The following CFAP46 variants were observed in gnomAD, a reference collection of about 807,000 sequenced individuals.
The protein encoded by CFAP46 is cilia and flagella associated protein 46.
Under a neutral mutation model 325.7 loss-of-function variants are expected in CFAP46, and 245 were observed. The ratio of observed to expected loss-of-function variants is 0.75; its 90% CI spans 0.68 to 0.84. CFAP46 has a LOEUF of 0.84. Ranked by LOEUF, CFAP46 falls within the 40% of genes least tolerant of loss-of-function variation. The pLI is 0.00. For synonymous variants in CFAP46, 1,523 were observed against 1,495.9 expected, an observed-to-expected ratio of 1.02 and a Z score of -0.42; for missense variants, 3,346 against 3,543.0, an observed-to-expected ratio of 0.94 and a Z score of 1.41.
At chr10:132,811,098 C>G in intron 55 of CFAP46, 67 bp from the exon 56 acceptor site, 1 of 1,381,730 alleles carries the variant, frequency 7.2e-7, no homozygotes, top group Admixed American at 2.0e-5. Context: ...GGGGTGTGGG[C>G]AGGTGGGGCC....
intron 6 of CFAP46, 71 bp downstream of exon 6, chr10:132,937,481 A>T: frequency 6.3e-7 from 1 of 1,576,826 alleles, no homozygotes; most frequent in Non-Finnish European, 8.7e-7. Flanking sequence ...TGTAATTTCT[A>T]CGCAGTTTTC....
intron 45 of CFAP46, 125 bp downstream of exon 45, chr10:132,836,692 C>T (rs1848254199): frequency 3.7e-6 from 3 of 805,040 alleles, no homozygotes; most frequent in East Asian, 2.4e-5. Context: ...ACTGTCCGGG[C>T]GTTTCCCGAG....
Position 132,860,992 on chromosome 10 carries a change from A to G in CFAP46, c.4891-10T>C. 1 of 1,550,372 alleles carries G rather than the reference A, an allele frequency of 6.5e-7. No individual in the cohort carries two copies. Among genetic ancestry groups the G allele is most frequent in the Non-Finnish European group, 8.7e-7 (1 of 1,146,980 alleles). On this transcript the variant is annotated splice_polypyrimidine_tract_variant and intron_variant, in intron 35 of 57. Coordinates refer to ENST00000368586, the MANE Select transcript of CFAP46 (RefSeq NM_001200049.3). ...AAGGCTCATCCAGCTCCTGAAGGAG[A>G]GAAACTCAGACATGCTTGGGTTCCT...
intron 22 of CFAP46, among the ~76,000 whole-genome samples, chr10:132,901,794 C>T (rs12416203): frequency 0.44 from 67,413 of 152,116 alleles, 15,361 homozygotes; most frequent in Admixed American, 0.56. Flanking sequence ...CCTCTTAGCT[C>T]TTATTAATCT....
intron 33 of CFAP46, among the ~76,000 whole-genome samples, chr10:132,868,446 G>A (rs890599261): frequency 7.9e-5 from 12 of 152,196 alleles, no homozygotes; most frequent in African/African-American, 2.9e-4. Flanking sequence ...ATGTTCAGCC[G>A]GGCTGCACAG....
At chr10:132,942,371 G>A in intron 1 of CFAP46, 65 bp downstream of exon 1, 2 of 1,342,094 alleles carry the variant, frequency 1.5e-6, no homozygotes, top group East Asian at 2.9e-5. Flanking sequence ...GGCCTCCCCG[G>A]GGCGGGGGTC....
chr10:132,854,504 A>G (rs920450632), intron 39 of CFAP46, among the ~76,000 whole-genome samples: 12 of 151,892 alleles, frequency 7.9e-5, no homozygotes, highest in African/African-American at 2.9e-4. Context: ...TGCCTGGTTA[A>G]TTTTTTGTAT....
intron 50 of CFAP46, among the ~76,000 whole-genome samples, chr10:132,830,567 C>T (rs1454153942): frequency 1.3e-5 from 2 of 152,168 alleles, no homozygotes; most frequent in Admixed American, 6.5e-5. Context: ...AGGAACTTGT[C>T]CATTTCATCT....
At chr10:132,826,487 C>G (rs1288289458) in intron 50 of CFAP46, among the ~76,000 whole-genome samples, 1 of 143,562 alleles carries the variant, frequency 7.0e-6, no homozygotes. Context: ...CAGAGCCAGG[C>G]AGGAGCCGGA....
chr10:132,876,992 A>G lies in CFAP46; in HGVS notation c.4213-31T>C, dbSNP rs1436911035. 1 of 1,543,578 alleles carries G rather than the reference A, an allele frequency of 6.5e-7. No homozygotes were observed. ...AAGGCAAGAATACAGGATTTACCTG[A>G]AACGGTGGAGGTGAAACAGCAGACA... On this transcript the variant is annotated intron_variant, in intron 30 of 57. Coordinates refer to ENST00000368586, the MANE Select transcript of CFAP46 (RefSeq NM_001200049.3). The surrounding 1 kb of genome is among the most constrained non-coding windows in gnomAD (Gnocchi z 4.1).
chr10:132,857,747 G>T lies in CFAP46; in HGVS notation c.5417C>A (p.Ala1806Glu), dbSNP rs773227985. The T allele has an allele frequency of 2.5e-6, 4 of 1,589,860 alleles. No homozygotes were observed. Among genetic ancestry groups the T allele is most frequent in the Non-Finnish European group, 3.4e-6 (4 of 1,169,136 alleles). ...QNEKDEEQKT[A>E]YYLEAYGLAQ... Reference sequence around the variant, plus strand: ...CAGGCCATACGCTTCCAAGTAATACGCAGTTTTTTGTTCTTCATCTTTCTC... The same window carrying T: ...CAGGCCATACGCTTCCAAGTAATACTCAGTTTTTTGTTCTTCATCTTTCTC... The change falls in exon 39 of 58, where the codon GCG (alanine) becomes GAG (glutamate). Residue 1806 changes from alanine (A) to glutamate (E), a missense_variant. Coordinates refer to ENST00000368586, the MANE Select transcript of CFAP46 (RefSeq NM_001200049.3).
intron 50 of CFAP46, among the ~76,000 whole-genome samples, chr10:132,823,192 ATGTGTGCTGTG>A (rs1452589146): frequency 1.3e-3 from 102 of 79,062 alleles, no homozygotes; most frequent in Middle Eastern, 0.012. Flanking sequence ...CTGTGTGCTG[ATGTGTGCTGTG>A]TGTGTGCTGA....
chr10:132,884,447 A>G lies in CFAP46; in HGVS notation c.3627+656T>C, dbSNP rs557394884. ...CGGAGAAACAGCTCGTGTAACAGAA[A>G]AGCCTTTTAAGATCTTCACTAATGT... is the stretch of plus-strand genomic sequence containing the variant. On this transcript the variant is annotated intron_variant, in intron 27 of 57. Transcript: ENST00000368586. The surrounding 1 kb of genome is among the most constrained non-coding windows in gnomAD (Gnocchi z 5.4). Among the ~76,000 whole-genome samples the G allele has an allele frequency of 6.6e-5, 10 of 152,264 alleles. No homozygotes were observed. The South Asian group carries it at 8.3e-4, about 13-fold the overall frequency.
intron 44 of CFAP46, among the ~76,000 whole-genome samples, chr10:132,837,608 C>T (rs1306704061): frequency 2.1e-5 from 3 of 143,220 alleles, no homozygotes; most frequent in Admixed American, 6.9e-5. Flanking sequence ...CACGGACACA[C>T]GCACACGTAC....
chr10:132,834,991 C>T (rs759698786), intron 47 of CFAP46, among the ~76,000 whole-genome samples: 6 of 152,262 alleles, frequency 3.9e-5, no homozygotes, highest in African/African-American at 4.8e-5. Context: ...CTCCTCTGCC[C>T]GCACCACGGA....
In CFAP46 at chr10:132,832,701, G is replaced by C. The variant is rs1436630691; in HGVS notation, c.7117+657C>G. 4.4e-6 allele frequency: 2 copies of C among 459,406 alleles called. No homozygotes were observed. The highest frequency in any genetic ancestry group is 4.7e-5 in the Admixed American group (2 of 42,284). 28.5% of individuals were successfully genotyped at this position (459,406 alleles called of 1,614,324 possible). A position where few individuals can be genotyped will look rare whatever the true frequency, so the allele number is the denominator to read the frequency against. ...TAGCGCTCGGGGAAGCTTCACAACCGGGGCACGTCTGCACAGCCAGCACTC... is the reference window on the plus strand; with the variant it reads ...TAGCGCTCGGGGAAGCTTCACAACCCGGGCACGTCTGCACAGCCAGCACTC... On this transcript the variant is annotated intron_variant, in intron 50 of 57. Coordinates refer to ENST00000368586, the MANE Select transcript of CFAP46 (RefSeq NM_001200049.3). This position sits in a 1 kb window ranked among gnomAD's most constrained non-coding sequence, Gnocchi z 4.1.
At chr10:132,916,424 C>T (rs1849639519) in intron 17 of CFAP46, 125 bp downstream of exon 17, 2 of 1,051,398 alleles carry the variant, frequency 1.9e-6, no homozygotes, top group Non-Finnish European at 1.3e-6. Flanking sequence ...GGACACGTCC[C>T]CCACGCAAGA....
intron 43 of CFAP46, among the ~76,000 whole-genome samples, chr10:132,846,537 C>T (rs566273224): frequency 3.2e-4 from 48 of 152,070 alleles, no homozygotes; most frequent in East Asian, 1.4e-3. Context: ...ACCTGCTGGC[C>T]TGCAACTGCT....
At chr10:132,824,077 G>C (rs1847970006) in intron 50 of CFAP46, among the ~76,000 whole-genome samples, 1 of 132,028 alleles carries the variant, frequency 7.6e-6, no homozygotes, top group Admixed American at 7.8e-5. Flanking sequence ...GTGCTGATGT[G>C]TGCACTGTGT....
Sources: gnomAD v4.1 joint callset for allele counts (sites outside exome capture counted in the v4.1 genomes callset) on GRCh38, gnomAD v4.1.1 for gene constraint, Gnocchi (gnomAD v3.1) non-coding constraint, MANE v1.5 for transcripts, NCBI Gene and HGNC (gene_info 2026-07-23, HGNC 2026-07-21) for gene names.